SUGCT: variants seen among roughly 807,000 people sequenced by gnomAD.
The protein encoded by SUGCT is succinyl-CoA:glutarate CoA-transferase.
A neutral mutation model predicts 55.0 loss-of-function variants in SUGCT; 41 were observed. The observed-to-expected ratio is 0.74, with a 90% CI of 0.58 to 0.97. The LOEUF is 0.97. Among genes scored for constraint, SUGCT ranks in the 50% least tolerant of loss-of-function variants. The pLI is 0.00. For missense variants in SUGCT, 568 were observed against 547.8 expected, an observed-to-expected ratio of 1.04 and a Z score of -0.37; for synonymous variants, 187 against 200.4, an observed-to-expected ratio of 0.93 and a Z score of 0.56.
the SUGCT span, among the ~76,000 whole-genome samples, chr7:40,898,482 G>GGGGGGGC: frequency 2.8e-5 from 3 of 107,206 alleles, no homozygotes; most frequent in Admixed American, 9.2e-5. Context: ...CGGGAGGTCG[G>GGGGGGGC]GGGGGGGGGG....
chr7:40,528,394 T>C (rs956340650), intron 12 of SUGCT, among the ~76,000 whole-genome samples: 5 of 152,218 alleles, frequency 3.3e-5, no homozygotes, highest in African/African-American at 1.2e-4. Context: ...TTTATGAACA[T>C]TGAATATGTG....
rs112473551 is a variant in SUGCT, at chr7:40,454,436, T to A, written c.889-4665T>A. Among the ~76,000 whole-genome samples, 661 of 152,272 alleles carry A rather than the reference T, an allele frequency of 4.3e-3. 4 individuals are homozygous for A. The highest frequency in any genetic ancestry group is 6.5e-3 in the Non-Finnish European group (443 of 68,004). ...GTCAGTTGGTGGTGGTGTGTGAATA[T>A]CATAGAGTGTACTTACACAAACCTA... On this transcript the variant is annotated intron_variant, in intron 10 of 13. Transcript: ENST00000335693.
the SUGCT span, among the ~76,000 whole-genome samples, chr7:41,018,928 C>T: frequency 4.6e-4 from 65 of 142,340 alleles, 1 homozygote; most frequent in African/African-American, 1.6e-3. Context: ...TTTTTTGAGA[C>T]GGAGTCTCAC....
At chr7:40,750,310 T>G (rs1281144494) in intron 13 of SUGCT, among the ~76,000 whole-genome samples, 5 of 152,254 alleles carry the variant, frequency 3.3e-5, no homozygotes, top group Admixed American at 3.3e-4. Context: ...CCAAATTATT[T>G]GTTCATTGTG....
At chr7:41,020,789 C>G in the SUGCT span, among the ~76,000 whole-genome samples, 1 of 151,994 alleles carries the variant, frequency 6.6e-6, no homozygotes, top group Non-Finnish European at 1.5e-5. Context: ...GTCATAAGAC[C>G]GTAACAGTTT....
At chr7:40,752,797 A>G (rs185566110) in intron 13 of SUGCT, among the ~76,000 whole-genome samples, 2 of 152,358 alleles carry the variant, frequency 1.3e-5, no homozygotes, top group Admixed American at 6.5e-5. Flanking sequence ...TGACTACAAC[A>G]GAGTTCTCAG....
intron 8 of SUGCT, among the ~76,000 whole-genome samples, chr7:40,279,037 G>A (rs553077937): frequency 1.4e-5 from 2 of 146,820 alleles, no homozygotes; most frequent in Non-Finnish European, 3.0e-5. Context: ...GGGTCTGACT[G>A]TGTTGTCCAG....
chr7:40,216,515 A>T (rs1787654043), intron 6 of SUGCT, among the ~76,000 whole-genome samples: 1 of 151,478 alleles, frequency 6.6e-6, no homozygotes. Flanking sequence ...AAAAAAAAAA[A>T]AAAAAAGAAA....
chr7:40,470,297 A>G (rs1790338944), intron 11 of SUGCT, among the ~76,000 whole-genome samples: 1 of 151,720 alleles, frequency 6.6e-6, no homozygotes, highest in African/African-American at 2.4e-5. Flanking sequence ...CTTGGGTTCT[A>G]TTCTTATCTC....
At chr7:40,698,909 G>A (rs1269395087) in intron 12 of SUGCT, among the ~76,000 whole-genome samples, 1 of 152,042 alleles carries the variant, frequency 6.6e-6, no homozygotes, top group African/African-American at 2.4e-5. Flanking sequence ...CAAGACTTTC[G>A]GGCTATACCA....
At chr7:40,332,455 G>T (rs66576814) in intron 9 of SUGCT, among the ~76,000 whole-genome samples, 3,303 of 129,110 alleles carry the variant, frequency 0.026, 79 homozygotes, top group African/African-American at 0.077. Context: ...TTTTTTTTTT[G>T]TTTTTTTTTT....
chr7:40,163,561 C>T (rs140632233), intron 1 of SUGCT, among the ~76,000 whole-genome samples: 99 of 149,730 alleles, frequency 6.6e-4, no homozygotes, highest in African/African-American at 2.1e-3. Context: ...GCTGAGATCG[C>T]GCCACTGCAC....
At chr7:40,409,063 T>TC (rs1184203716) in intron 9 of SUGCT, among the ~76,000 whole-genome samples, 9 of 152,092 alleles carry the variant, frequency 5.9e-5, no homozygotes, top group Non-Finnish European at 1.3e-4. Flanking sequence ...CAAGTGATCC[T>TC]CCCACCCCAG....
intron 12 of SUGCT, among the ~76,000 whole-genome samples, chr7:40,502,490 G>A (rs1313140333): frequency 1.3e-5 from 2 of 151,562 alleles, no homozygotes; most frequent in South Asian, 2.1e-4. Context: ...AAATAAAATA[G>A]CAAAATTAAT....
In SUGCT at chr7:40,314,559, C is replaced by CTT. The variant is rs1292941632; in HGVS notation, c.721-2180_721-2179dup. On this transcript the variant is annotated intron_variant, in intron 8 of 13. Transcript: ENST00000335693. Reference sequence around the variant, plus strand: ...ATAACTCCTATTGCATCCCTTGTGTCTTTTTTTTTTTTTTTTTTTTTTAAG... The same window carrying CTT: ...ATAACTCCTATTGCATCCCTTGTGTCTTTTTTTTTTTTTTTTTTTTTTTTAAG... 1.4e-3 allele frequency among the ~76,000 whole-genome samples: 152 copies of CTT among 108,722 alleles called. 5 individuals carry two copies. The highest frequency in any genetic ancestry group is 4.5e-3 in the African/African-American group (137 of 30,112). The allele number at this position is 108,722 out of a possible 152,430, so 71.3% of individuals were successfully genotyped here.
intron 11 of SUGCT, among the ~76,000 whole-genome samples, chr7:40,478,992 G>T (rs919096938): frequency 6.6e-6 from 1 of 152,032 alleles, no homozygotes; most frequent in African/African-American, 2.4e-5. Flanking sequence ...GGGTTCATCT[G>T]TGTTTCAGCA....
chr7:40,148,869 C>G (rs999389183), intron 1 of SUGCT, among the ~76,000 whole-genome samples: 1 of 152,140 alleles, frequency 6.6e-6, no homozygotes, highest in Non-Finnish European at 1.5e-5. Flanking sequence ...AAATAGTTCT[C>G]TTTAGAATTT....
chr7:40,323,136 A>G (rs1262928965), intron 9 of SUGCT, among the ~76,000 whole-genome samples: 1 of 151,514 alleles, frequency 6.6e-6, no homozygotes. Flanking sequence ...TGACCCAGTC[A>G]TTTCTCCTGT....
intron 8 of SUGCT, among the ~76,000 whole-genome samples, chr7:40,301,618 C>G (rs59465465): frequency 6.6e-6 from 1 of 152,054 alleles, no homozygotes; most frequent in Non-Finnish European, 1.5e-5. Flanking sequence ...ACTGTGTAGT[C>G]TAGTGAGTCT....
Sources: allele counts gnomAD v4.1 joint callset (sites outside exome capture counted in the v4.1 genomes callset), GRCh38; gene constraint gnomAD v4.1.1; transcripts MANE v1.5; gene names NCBI Gene and HGNC (gene_info 2026-07-23, HGNC 2026-07-21).